The following SATL1 variants were observed in gnomAD, a reference collection of about 807,000 sequenced individuals.
SATL1 encodes spermidine/spermine N1-acetyl transferase like 1.
A neutral mutation model predicts 51.8 loss-of-function variants in SATL1; 47 were observed. That is an observed-to-expected ratio of 0.91 (90% CI 0.72 to 1.16). SATL1 has a LOEUF of 1.16. Ranked by LOEUF, SATL1 falls within the 50% of genes most tolerant of loss-of-function variation. The probability of loss-of-function intolerance (pLI) is 0.00; values close to 1 mark genes in which losing one functional copy is unlikely to be tolerated. For synonymous variants in SATL1, 176 were observed against 182.4 expected, an observed-to-expected ratio of 0.97 and a Z score of 0.28; for missense variants, 520 against 526.4, an observed-to-expected ratio of 0.99 and a Z score of 0.12.
intron 2 of SATL1, among the ~76,000 whole-genome samples, chrX:85,151,567 T>C (rs1224031500): frequency 9.0e-6 from 1 of 111,279 alleles, no homozygotes; most frequent in Non-Finnish European, 1.9e-5. Context: ...CTTCAAACTA[T>C]ACTACAAGGC....
chrX:85,234,911 T>C (rs916171052), intron 1 of SATL1, among the ~76,000 whole-genome samples: 4 of 109,857 alleles, frequency 3.6e-5, no homozygotes, highest in South Asian at 3.9e-4. Flanking sequence ...TCAAAAGACA[T>C]AGAATGGCTG....
chrX:85,155,062 C>A (rs1040058592), intron 2 of SATL1, among the ~76,000 whole-genome samples: 1 of 111,506 alleles, frequency 9.0e-6, no homozygotes, highest in Non-Finnish European at 1.9e-5. Flanking sequence ...AACTCTCCAA[C>A]CTTTTTGTCA....
chrX:85,131,669 G>A (rs1444647138), intron 2 of SATL1, among the ~76,000 whole-genome samples: 3 of 111,488 alleles, frequency 2.7e-5, no homozygotes, highest in African/African-American at 9.8e-5. Context: ...ATATTGTTAT[G>A]TGTGAATTTG....
chrX:85,138,287 C>T (rs1385254358), intron 2 of SATL1, among the ~76,000 whole-genome samples: 1 of 111,285 alleles, frequency 9.0e-6, no homozygotes, highest in African/African-American at 3.3e-5. Flanking sequence ...TTAGTGTCTG[C>T]TGTAGTTGTG....
chrX:85,131,018 G>T (rs1925780966), intron 2 of SATL1, among the ~76,000 whole-genome samples: 1 of 112,037 alleles, frequency 8.9e-6, no homozygotes, highest in Non-Finnish European at 1.9e-5. Context: ...GAGACAGTTT[G>T]TTGTGATTCC....
intron 2 of SATL1, among the ~76,000 whole-genome samples, chrX:85,151,074 C>G (rs1455495411): frequency 9.1e-6 from 1 of 109,318 alleles, no homozygotes; most frequent in Admixed American, 9.8e-5. Context: ...ACCCCATTGT[C>G]TCAGCCCAAA....
At chrX:85,232,217 C>T (rs1928395148) in intron 1 of SATL1, among the ~76,000 whole-genome samples, 1 of 109,418 alleles carries the variant, frequency 9.1e-6, no homozygotes, top group Non-Finnish European at 1.9e-5. Context: ...GGGAAGAACC[C>T]AGTCCTGGCA....
chrX:85,215,363 TAATCTCTTTAG>T (rs1351894227), intron 2 of SATL1, among the ~76,000 whole-genome samples: 6 of 110,753 alleles, frequency 5.4e-5, no homozygotes, highest in Non-Finnish European at 1.1e-4. Flanking sequence ...TTAGTCATGG[TAATCTCTTTAG>T]CAAGTGGTAG....
At chrX:85,123,410 C>G (rs560540104) in intron 2 of SATL1, among the ~76,000 whole-genome samples, 2 of 111,395 alleles carry the variant, frequency 1.8e-5, no homozygotes, top group Admixed American at 1.9e-4. Context: ...TTCTAATGAT[C>G]AGTGATATCA....
chrX:85,111,341 A>G (rs1925253017), intron 2 of SATL1, among the ~76,000 whole-genome samples: 1 of 112,219 alleles, frequency 8.9e-6, no homozygotes, highest in East Asian at 2.8e-4. Context: ...AACATAATGC[A>G]TTTGTGTTTT....
intron 2 of SATL1, among the ~76,000 whole-genome samples, chrX:85,180,571 C>G (rs975594053): frequency 9.0e-6 from 1 of 111,675 alleles, no homozygotes; most frequent in Non-Finnish European, 1.9e-5. Flanking sequence ...CTGTCATTGA[C>G]AGAAATGTCC....
chrX:85,194,781 C>G (rs1344518480), intron 2 of SATL1, among the ~76,000 whole-genome samples: 1 of 107,126 alleles, frequency 9.3e-6, no homozygotes, highest in African/African-American at 3.4e-5. Context: ...GAACAGAAAA[C>G]CAAGCACTTC....
intron 2 of SATL1, among the ~76,000 whole-genome samples, chrX:85,120,025 C>T (rs1035891683): frequency 3.0e-4 from 34 of 111,861 alleles, no homozygotes; most frequent in African/African-American, 1.0e-3. Flanking sequence ...TTATGAAGAA[C>T]TTTAATTTAA....
At chrX:85,172,691 T>TA (rs1192678031) in intron 2 of SATL1, among the ~76,000 whole-genome samples, 1 of 111,361 alleles carries the variant, frequency 9.0e-6, no homozygotes, top group African/African-American at 3.2e-5. Flanking sequence ...ATAATTAAAA[T>TA]ACAACTTTTA....
At chrX:85,175,171 AGACTTAGT>A (rs1471433028) in intron 2 of SATL1, among the ~76,000 whole-genome samples, 2 of 111,612 alleles carry the variant, frequency 1.8e-5, no homozygotes, top group Non-Finnish European at 3.8e-5. Flanking sequence ...GCCCCTCTCC[AGACTTAGT>A]GAATTAGAAC....
At chrX:85,221,372 C>A (rs1928174772) in intron 2 of SATL1, among the ~76,000 whole-genome samples, 1 of 111,953 alleles carries the variant, frequency 8.9e-6, no homozygotes, top group Non-Finnish European at 1.9e-5. Context: ...TTATTTTTCC[C>A]ATGTACAAAT....
At chrX:85,193,677 C>T (rs1352379179) in intron 2 of SATL1, among the ~76,000 whole-genome samples, 1 of 111,604 alleles carries the variant, frequency 9.0e-6, no homozygotes, top group Non-Finnish European at 1.9e-5. Context: ...CTCCCAGCCT[C>T]CACCCTTAAC....
chrX:85,097,857 C>A (rs184335448), intron 4 of SATL1, among the ~76,000 whole-genome samples: 35 of 111,372 alleles, frequency 3.1e-4, no homozygotes, highest in African/African-American at 1.0e-3. Flanking sequence ...GAGAAGGAAT[C>A]AAAATGTTTC....
In SATL1 at chrX:85,095,663, A is replaced by G. The variant is rs1157206207; in HGVS notation, c.1694-667T>C. 3.8e-5 allele frequency among the ~76,000 whole-genome samples: 4 copies of G among 104,710 alleles called. No homozygotes were observed. The East Asian group carries it at 9.0e-4, about 24-fold the overall frequency. The allele number at this position is 104,710 out of a possible 115,157, so 90.9% of individuals were successfully genotyped here. A position where few individuals can be genotyped will look rare whatever the true frequency, so the allele number is the denominator to read the frequency against. ...AAAACGGTGAAACCCCGTCTCTACT[A>G]AAAATACAAAAAATTAGCCGGGCGT... is the stretch of plus-strand genomic sequence containing the variant. On this transcript the variant is annotated intron_variant, in intron 4 of 7. Coordinates refer to ENST00000644105, the MANE Select transcript of SATL1 (RefSeq NM_001367857.2).
Sources: allele counts gnomAD v4.1 joint callset (sites outside exome capture counted in the v4.1 genomes callset), GRCh38; gene constraint gnomAD v4.1.1; transcripts MANE v1.5; gene names NCBI Gene and HGNC (gene_info 2026-07-23, HGNC 2026-07-21).